Variants in TOX observed in about 807,000 individuals in gnomAD.
TOX encodes thymocyte selection-associated high mobility group box protein TOX.
In TOX, 11 loss-of-function variants were observed where a neutral mutation model predicts 53.7. That is an observed-to-expected ratio of 0.20 (90% CI 0.13 to 0.34). The LOEUF (loss-of-function observed/expected upper bound fraction) is 0.34. Ranked by LOEUF, TOX falls within the 10% of genes least tolerant of loss-of-function variation. The probability of loss-of-function intolerance (pLI) is 1.00; values close to 1 mark genes in which losing one functional copy is unlikely to be tolerated. For missense variants in TOX, 570 were observed against 664.6 expected, an observed-to-expected ratio of 0.86 and a Z score of 1.56; for synonymous variants, 225 against 245.3, an observed-to-expected ratio of 0.92 and a Z score of 0.77.
At chr8:58,855,764 T>A (rs551165841) in intron 3 of TOX, among the ~76,000 whole-genome samples, 78 of 152,208 alleles carry the variant, frequency 5.1e-4, no homozygotes, top group Non-Finnish European at 1.0e-3. Flanking sequence ...AACTCACACC[T>A]ATAACCATCC....
intron 3 of TOX, among the ~76,000 whole-genome samples, chr8:58,926,724 T>C (rs1210339874): frequency 1.3e-5 from 2 of 152,210 alleles, no homozygotes; most frequent in Non-Finnish European, 2.9e-5. Context: ...GAGAAAAGAA[T>C]ACCTTGAGGT....
intron 2 of TOX, among the ~76,000 whole-genome samples, chr8:58,959,291 A>G (rs1277719663): frequency 6.6e-6 from 1 of 152,248 alleles, no homozygotes; most frequent in African/African-American, 2.4e-5. Context: ...CTAAAAATAA[A>G]TAGTCAAACA....
intron 1 of TOX, among the ~76,000 whole-genome samples, chr8:59,103,373 T>C (rs1052152077): frequency 2.6e-4 from 39 of 152,218 alleles, no homozygotes; most frequent in African/African-American, 9.4e-4. Context: ...TTATGTTGTG[T>C]CATGCGTCTC....
At chr8:58,808,358 A>T in intron 7 of TOX, 89 bp from the exon 8 acceptor site, 2 of 1,470,620 alleles carry the variant, frequency 1.4e-6, no homozygotes, top group Non-Finnish European at 1.8e-6. Flanking sequence ...TTGCAGACAC[A>T]CTAGGCCTCT....
At chr8:58,992,277 A>T (rs1383335083) in intron 1 of TOX, 3 of 152,230 alleles carry the variant, frequency 2.0e-5, no homozygotes, top group African/African-American at 7.2e-5. Context: ...CAGCCACGTG[A>T]TCTTCCCCCC....
At position 58,807,331 on chromosome 8, in the gene TOX, C is replaced by A. The variant is rs769312700; in HGVS notation, c.*416G>T. 8.8e-5 allele frequency: 15 copies of A among 170,398 alleles called. No individual in the cohort carries two copies. Among genetic ancestry groups the A allele is most frequent in the Non-Finnish European group, 1.7e-4 (13 of 78,046 alleles). 10.6% of individuals were successfully genotyped at this position (170,398 alleles called of 1,614,324 possible). A position where few individuals can be genotyped will look rare whatever the true frequency, so the allele number is the denominator to read the frequency against. ...ACTCTAGGAGAGTGTAACATAGATG[C>A]TATTTACAAACTTGCTATGACTGCT... On this transcript the variant is annotated 3_prime_UTR_variant, in exon 9 of 9. Coordinates refer to ENST00000361421, the MANE Select transcript of TOX (RefSeq NM_014729.3).
At chr8:59,104,960 A>T (rs1804873310) in intron 1 of TOX, among the ~76,000 whole-genome samples, 1 of 152,122 alleles carries the variant, frequency 6.6e-6, no homozygotes, top group Admixed American at 6.5e-5. Context: ...ATATGGAGGG[A>T]GGGTTCACGA....
chr8:58,870,774 A>G (rs1230473229), intron 3 of TOX, among the ~76,000 whole-genome samples: 3 of 152,160 alleles, frequency 2.0e-5, no homozygotes, highest in Non-Finnish European at 4.4e-5. Flanking sequence ...GGGCAATTCA[A>G]TGGAAAAGAC....
chr8:59,002,187 T>C (rs1226147469), intron 1 of TOX, among the ~76,000 whole-genome samples: 1 of 148,444 alleles, frequency 6.7e-6, no homozygotes, highest in Non-Finnish European at 1.5e-5. Context: ...TTGGTAAGGC[T>C]GGTTTTAAAC....
At chr8:58,945,413 T>A (rs375861499) in intron 2 of TOX, among the ~76,000 whole-genome samples, 21 of 152,322 alleles carry the variant, frequency 1.4e-4, no homozygotes, top group East Asian at 5.8e-4. Flanking sequence ...TTTGGTTTGA[T>A]CTGCTTGGAT....
intron 1 of TOX, among the ~76,000 whole-genome samples, chr8:58,987,356 C>T (rs1285459966): frequency 1.3e-5 from 2 of 152,138 alleles, no homozygotes; most frequent in East Asian, 3.9e-4. Flanking sequence ...CAACAGATGC[C>T]ACTCCCTCAG....
chr8:58,934,202 G>A (rs544900227), intron 3 of TOX, among the ~76,000 whole-genome samples: 1 of 152,074 alleles, frequency 6.6e-6, no homozygotes, highest in East Asian at 1.9e-4. Context: ...TAGAAAAGAG[G>A]GACTTCAGGA....
intron 4 of TOX, among the ~76,000 whole-genome samples, chr8:58,846,981 C>A (rs1810729210): frequency 6.6e-6 from 1 of 152,096 alleles, no homozygotes; most frequent in Non-Finnish European, 1.5e-5. Flanking sequence ...CATTCACAAA[C>A]AAAAGCCAGC....
chr8:58,872,047 C>T (rs1811206903), intron 3 of TOX, among the ~76,000 whole-genome samples: 1 of 151,928 alleles, frequency 6.6e-6, no homozygotes, highest in Non-Finnish European at 1.5e-5. Context: ...AGAAAATATA[C>T]AAGATAAGTC....
chr8:58,843,999 T>C (rs1810684045), intron 4 of TOX, among the ~76,000 whole-genome samples: 1 of 152,232 alleles, frequency 6.6e-6, no homozygotes, highest in Non-Finnish European at 1.5e-5. Context: ...ATGATAGATA[T>C]GACTGTGGTA....
intron 3 of TOX, among the ~76,000 whole-genome samples, chr8:58,879,066 A>AAC (rs1554526550): frequency 6.6e-6 from 1 of 151,756 alleles, no homozygotes; most frequent in African/African-American, 2.4e-5. Context: ...ATCTCAAAAA[A>AAC]AAAAAAACAA....
chr8:58,939,642 C>A, intron 2 of TOX, 98 bp from the exon 3 acceptor site: 1 of 1,478,398 alleles, frequency 6.8e-7, no homozygotes, highest in South Asian at 1.4e-5. Flanking sequence ...TTACAAGCAG[C>A]ATATGGATTT....
intron 1 of TOX, among the ~76,000 whole-genome samples, chr8:59,010,166 A>G (rs1813875375): frequency 6.6e-6 from 1 of 152,232 alleles, no homozygotes; most frequent in Non-Finnish European, 1.5e-5. Context: ...ATATTGGGCC[A>G]GATACTTAAA....
At chr8:58,858,133 T>G (rs1810946312) in intron 3 of TOX, among the ~76,000 whole-genome samples, 1 of 152,164 alleles carries the variant, frequency 6.6e-6, no homozygotes, top group Non-Finnish European at 1.5e-5. Context: ...AGGTTATTAT[T>G]TTTAAAAAAT....
Sources: gnomAD v4.1 joint callset for allele counts (sites outside exome capture counted in the v4.1 genomes callset) on GRCh38, gnomAD v4.1.1 for gene constraint, MANE v1.5 for transcripts, NCBI Gene and HGNC (gene_info 2026-07-23, HGNC 2026-07-21) for gene names.